GPR149: variants seen among roughly 807,000 people sequenced by gnomAD.
The protein encoded by GPR149 is G protein-coupled receptor 149.
GPR149 carries 50 observed loss-of-function variants against 50.2 expected under a neutral mutation model. The observed-to-expected ratio is 1.00, with a 90% CI of 0.79 to 1.26. GPR149 has a LOEUF of 1.26. GPR149 is among the 50% of genes most tolerant of loss of function. The probability of loss-of-function intolerance (pLI) is 0.00; values close to 1 mark genes in which losing one functional copy is unlikely to be tolerated. For synonymous variants in GPR149, 405 were observed against 358.2 expected, an observed-to-expected ratio of 1.13 and a Z score of -1.48; for missense variants, 983 against 895.4, an observed-to-expected ratio of 1.10 and a Z score of -1.25.
intron 3 of GPR149, among the ~76,000 whole-genome samples, chr3:154,369,578 C>T (rs889215795): frequency 3.3e-5 from 5 of 152,206 alleles, no homozygotes; most frequent in East Asian, 3.9e-4. Flanking sequence ...GGAAAGAGAA[C>T]GTAAACTCCG....
chr3:154,399,651 T>C (rs1243116010), intron 3 of GPR149, among the ~76,000 whole-genome samples: 1 of 152,214 alleles, frequency 6.6e-6, no homozygotes, highest in Non-Finnish European at 1.5e-5. Flanking sequence ...GCAACTTTCC[T>C]CTGCTCTAGA....
chr3:154,420,115 T>C (rs1357538120), intron 3 of GPR149, among the ~76,000 whole-genome samples: 1 of 152,052 alleles, frequency 6.6e-6, no homozygotes, highest in Non-Finnish European at 1.5e-5. Flanking sequence ...TATATGATCA[T>C]ACTTTTGATC....
intron 3 of GPR149, among the ~76,000 whole-genome samples, chr3:154,401,529 G>A (rs6809403): frequency 6.6e-6 from 1 of 152,090 alleles, no homozygotes; most frequent in Non-Finnish European, 1.5e-5. Flanking sequence ...AATAATTAGT[G>A]AAAGTAGAAG....
At chr3:154,392,512 C>G (rs1715194201) in intron 3 of GPR149, among the ~76,000 whole-genome samples, 1 of 151,668 alleles carries the variant, frequency 6.6e-6, no homozygotes, top group South Asian at 2.1e-4. Context: ...ATCAACCTAA[C>G]TTTACGTCTC....
At chr3:154,351,944 T>C (rs889043935) in intron 3 of GPR149, among the ~76,000 whole-genome samples, 7 of 152,182 alleles carry the variant, frequency 4.6e-5, no homozygotes, top group Non-Finnish European at 8.8e-5. Context: ...GGTTTTTTAA[T>C]TCAAAGGTAT....
chr3:154,365,349 C>T (rs1475584390), intron 3 of GPR149, among the ~76,000 whole-genome samples: 2 of 152,102 alleles, frequency 1.3e-5, no homozygotes, highest in Admixed American at 6.5e-5. Flanking sequence ...ATGGGAGTGG[C>T]AGTCTCAAAG....
intron 3 of GPR149, among the ~76,000 whole-genome samples, chr3:154,350,021 C>T (rs900166010): frequency 2.0e-5 from 3 of 151,990 alleles, no homozygotes; most frequent in Admixed American, 1.3e-4. Flanking sequence ...TAGCCTCCAC[C>T]TCTATCTGTA....
At chr3:154,385,487 T>G (rs1715025162) in intron 3 of GPR149, among the ~76,000 whole-genome samples, 1 of 151,998 alleles carries the variant, frequency 6.6e-6, no homozygotes, top group African/African-American at 2.4e-5. Flanking sequence ...GCAAAAAGAG[T>G]TGAAAGTGAA....
At chr3:154,420,512 TC>T (rs1359335229) in intron 3 of GPR149, among the ~76,000 whole-genome samples, 6 of 152,012 alleles carry the variant, frequency 3.9e-5, no homozygotes, top group Admixed American at 3.9e-4. Context: ...GAGAATGTAT[TC>T]TGTAATATTT....
chr3:154,353,956 T>G, intron 3 of GPR149: 1 of 491,986 alleles, frequency 2.0e-6, no homozygotes, highest in East Asian at 4.6e-5. Context: ...AGGTCTCCTC[T>G]AGTTTATTAT....
At chr3:154,411,760 T>C (rs961761032) in intron 3 of GPR149, among the ~76,000 whole-genome samples, 1 of 152,154 alleles carries the variant, frequency 6.6e-6, no homozygotes, top group African/African-American at 2.4e-5. Flanking sequence ...AAATGAATTC[T>C]ATCAGATATC....
At chr3:154,420,638 AC>A (rs1712115888) in intron 3 of GPR149, among the ~76,000 whole-genome samples, 1 of 151,974 alleles carries the variant, frequency 6.6e-6, no homozygotes, top group Non-Finnish European at 1.5e-5. Flanking sequence ...ATTTGCCTTT[AC>A]ATGAAAAAAT....
intron 3 of GPR149, among the ~76,000 whole-genome samples, chr3:154,356,323 C>T (rs183709802): frequency 6.6e-6 from 1 of 152,194 alleles, no homozygotes; most frequent in East Asian, 1.9e-4. Flanking sequence ...TGTGGAAGTT[C>T]TGGCCAGGGC....
intron 3 of GPR149, among the ~76,000 whole-genome samples, chr3:154,340,212 G>T (rs962426156): frequency 2.0e-5 from 3 of 152,126 alleles, no homozygotes; most frequent in Non-Finnish European, 4.4e-5. Flanking sequence ...TTACTCATAA[G>T]GAGACCTAGG....
intron 3 of GPR149, chr3:154,353,709 CT>C: frequency 8.6e-7 from 1 of 1,161,160 alleles, no homozygotes; most frequent in South Asian, 1.3e-5. Context: ...TGTTGAGCAG[CT>C]TTTTAAAAAT....
chr3:154,382,512 T>C (rs1018070597), intron 3 of GPR149, among the ~76,000 whole-genome samples: 1 of 152,238 alleles, frequency 6.6e-6, no homozygotes, highest in African/African-American at 2.4e-5. Context: ...AAGGGTCAAA[T>C]GTCAAATGAC....
At chr3:154,370,051 A>T (rs571142328) in intron 3 of GPR149, among the ~76,000 whole-genome samples, 134 of 152,332 alleles carry the variant, frequency 8.8e-4, no homozygotes, top group African/African-American at 2.8e-3. Flanking sequence ...GAAGACTAGG[A>T]AAAAGCCTAT....
intron 3 of GPR149, among the ~76,000 whole-genome samples, chr3:154,417,858 T>A (rs940909433): frequency 5.9e-5 from 9 of 152,118 alleles, no homozygotes; most frequent in African/African-American, 1.9e-4. Context: ...AAAGTCCTCA[T>A]AAGGTTTTCA....
At position 154,421,456 on chromosome 3, in the gene GPR149, T is replaced by A. The variant is rs763950713; in HGVS notation, c.1206A>T (p.Ser402=). The change falls in exon 3 of 4, where the codon TCA becomes TCT. Residue 402 remains serine, a synonymous_variant. Transcript: ENST00000389740. ...IKRKGFEFNL[S]FQKSYGIYKI... ...TATAAATCCCATAACTTTTTTGGAA[T>A]GATAGATTGAATTCAAAGCCTTTTC... The A allele has an allele frequency of 1.3e-6, 2 of 1,589,544 alleles. No individual in the cohort carries two copies. The highest frequency in any genetic ancestry group is 2.2e-5 in the East Asian group (1 of 44,670).
Sources: gnomAD v4.1 joint callset for allele counts (sites outside exome capture counted in the v4.1 genomes callset) on GRCh38, gnomAD v4.1.1 for gene constraint, MANE v1.5 for transcripts, NCBI Gene and HGNC (gene_info 2026-07-23, HGNC 2026-07-21) for gene names.